Variants in MCF2L observed in about 807,000 individuals in gnomAD.
MCF2L encodes guanine nucleotide exchange factor DBS.
Under a neutral mutation model 153.4 loss-of-function variants are expected in MCF2L, and 97 were observed. The observed-to-expected ratio is 0.63, with a 90% CI of 0.54 to 0.75. MCF2L has a LOEUF of 0.75. Among genes scored for constraint, MCF2L ranks in the 30% least tolerant of loss-of-function variants. MCF2L has a pLI of 0.00. For synonymous variants in MCF2L, 659 were observed against 632.2 expected (o/e 1.04, Z -0.64); for missense variants, 1,347 against 1,495.2 (o/e 0.90, Z 1.64).
intron 3 of MCF2L, among the ~76,000 whole-genome samples, chr13:113,025,202 T>G (rs1170330082): frequency 8.2e-3 from 472 of 57,704 alleles, no homozygotes; most frequent in African/African-American, 0.022. Context: ...GTTTCCCCAT[T>G]GTGGGGTCCC....
chr13:113,071,811 CTTTGT>C lies in MCF2L; in HGVS notation c.996+1642_996+1646del, dbSNP rs553448478. On this transcript the variant is annotated intron_variant, in intron 9 of 29. Transcript: ENST00000535094. ...AAATCAAGTACACTCATTCTTCCCT[CTTTGT>C]TTTCTTTTTCAAAATTGTGTTAGCT... Among the ~76,000 whole-genome samples the C allele has an allele frequency of 3.5e-3, 535 of 152,344 alleles. 2 individuals are homozygous for C. The highest frequency in any genetic ancestry group is 8.1e-3 in the South Asian group (39 of 4,826).
At chr13:113,025,955 C>A (rs370992441) in intron 3 of MCF2L, among the ~76,000 whole-genome samples, 1 of 73,746 alleles carries the variant, frequency 1.4e-5, no homozygotes, top group African/African-American at 4.7e-5. Context: ...GAGATTTCCC[C>A]GTCATGGGGT....
chr13:113,085,036 C>T (rs879248319), intron 19 of MCF2L, 50 bp from the exon 20 acceptor site: 2 of 1,612,164 alleles, frequency 1.2e-6, no homozygotes, highest in Admixed American at 1.7e-5. Flanking sequence ...TAGCCGACTC[C>T]TGAGGAATAA....
intron 2 of MCF2L, among the ~76,000 whole-genome samples, chr13:112,939,834 T>C (rs1012361739): frequency 6.6e-6 from 1 of 151,962 alleles, no homozygotes; most frequent in African/African-American, 2.4e-5. Context: ...TAGCTGGGCA[T>C]GTTGGCATGC....
chr13:113,081,386 T>C (rs918031806), intron 16 of MCF2L, 107 bp downstream of exon 16: 11 of 1,134,016 alleles, frequency 9.7e-6, no homozygotes, highest in Non-Finnish European at 1.2e-5. Flanking sequence ...GTCCACCAAA[T>C]GCATGTGAGA....
chr13:112,917,630 G>C (rs569604183), intron 2 of MCF2L: 1 of 184,332 alleles, frequency 5.4e-6, no homozygotes, highest in East Asian at 1.5e-4. Flanking sequence ...CCCTCTGGGT[G>C]GGACCCTCTC....
At chr13:112,985,356 C>T (rs772393580) in intron 1 of MCF2L, 11 of 468,938 alleles carry the variant, frequency 2.3e-5, no homozygotes, top group Middle Eastern at 6.5e-4. Flanking sequence ...GGGCAGCGCG[C>T]GTCCTCCCCG....
intron 2 of MCF2L, among the ~76,000 whole-genome samples, chr13:112,925,830 C>T (rs578133939): frequency 6.6e-6 from 1 of 152,076 alleles, no homozygotes; most frequent in South Asian, 2.1e-4. Flanking sequence ...GAAAGCATTG[C>T]GTTGATTACA....
rs2081540453 is a variant in MCF2L at position 112,938,181 on chromosome 13, AGC to A, written c.169+35813_169+35814del. ...GAGCGCTGAGGGGTTGGTTCAGGTG[AGC>A]GCTGAGGGGTTGGTTCAGGTGAGCG... On this transcript the variant is annotated intron_variant, in intron 2 of 29. Transcript: ENST00000375608. 3.6e-4 allele frequency among the ~76,000 whole-genome samples: 47 copies of A among 129,358 alleles called. No individual in the cohort carries two copies. The Admixed American group carries it at 3.6e-3, about 10-fold the overall frequency. The allele number at this position is 129,358 out of a possible 152,430, so 84.9% of individuals were successfully genotyped here. A position where few individuals can be genotyped will look rare whatever the true frequency, so the allele number is the denominator to read the frequency against.
At position 112,904,747 on chromosome 13, in the gene MCF2L, G is replaced by A. The variant is rs1159214177; in HGVS notation, c.169+2376G>A. Reference sequence around the variant, plus strand: ...AAGAGAAGCGCACGGCGTGGACTGCGGCCTGCGGGAGAACCGCACTCGGCT... The same window carrying A: ...AAGAGAAGCGCACGGCGTGGACTGCAGCCTGCGGGAGAACCGCACTCGGCT... On this transcript the variant is annotated intron_variant, in intron 2 of 29. Transcript: ENST00000375608. This position sits in a 1 kb window ranked among gnomAD's most constrained non-coding sequence, Gnocchi z 4.2. 2.0e-5 allele frequency among the ~76,000 whole-genome samples: 3 copies of A among 152,332 alleles called. No individual in the cohort carries two copies. The highest frequency in any genetic ancestry group is 4.8e-5 in the African/African-American group (2 of 41,590).
intron 3 of MCF2L, among the ~76,000 whole-genome samples, chr13:113,038,911 G>A (rs754163566): frequency 6.6e-6 from 1 of 152,188 alleles, no homozygotes; most frequent in African/African-American, 2.4e-5. Flanking sequence ...AGGCTGGAGT[G>A]CAATGGTGCT....
intron 2 of MCF2L, chr13:112,910,063 ATCTG>A (rs2081215256): frequency 6.6e-6 from 1 of 152,314 alleles, no homozygotes; most frequent in African/African-American, 2.4e-5. Context: ...TTATCTATGC[ATCTG>A]TCTTACATAG....
intron 1 of MCF2L, among the ~76,000 whole-genome samples, chr13:112,999,009 C>A (rs953768797): frequency 6.6e-6 from 1 of 152,134 alleles, no homozygotes; most frequent in Non-Finnish European, 1.5e-5. Context: ...AGCGATGAGC[C>A]CGGGATGGTT....
At chr13:112,912,031 C>G (rs984974919) in intron 2 of MCF2L, among the ~76,000 whole-genome samples, 30 of 152,188 alleles carry the variant, frequency 2.0e-4, no homozygotes, top group Admixed American at 2.0e-3. Context: ...CCACCCTCAC[C>G]AAGAGTCACG....
chr13:113,038,479 A>G (rs2086284039), intron 3 of MCF2L, among the ~76,000 whole-genome samples: 1 of 152,046 alleles, frequency 6.6e-6, no homozygotes, highest in South Asian at 2.1e-4. Flanking sequence ...AAAAAAAAAA[A>G]AAGAAAGAAA....
At chr13:113,005,786 T>G (rs1478252662) in intron 1 of MCF2L, among the ~76,000 whole-genome samples, 1 of 152,026 alleles carries the variant, frequency 6.6e-6, no homozygotes, top group Admixed American at 6.6e-5. Flanking sequence ...CACCAGTGAG[T>G]TTGGTGGTGG....
At chr13:113,047,648 G>C (rs975432969) in intron 4 of MCF2L, among the ~76,000 whole-genome samples, 1 of 152,134 alleles carries the variant, frequency 6.6e-6, no homozygotes, top group African/African-American at 2.4e-5. Flanking sequence ...TCCCTGCCAG[G>C]GCACTTGCGG....
chr13:112,976,164 TTGTGTGTGTGTA>T (rs2082205957), intron 1 of MCF2L, among the ~76,000 whole-genome samples: 1 of 148,874 alleles, frequency 6.7e-6, no homozygotes, highest in African/African-American at 2.5e-5. Context: ...GTTTGCTTGT[TTGTGTGTGTGTA>T]TGTGTGTGTG....
At chr13:112,979,718 G>A (rs775002892) in intron 1 of MCF2L, 1 of 1,612,514 alleles carries the variant, frequency 6.2e-7, no homozygotes. Flanking sequence ...TGTGGTCACT[G>A]CCCAGGAGGC....
Sources: gnomAD v4.1 joint callset for allele counts (sites outside exome capture counted in the v4.1 genomes callset) on GRCh38, gnomAD v4.1.1 for gene constraint, Gnocchi (gnomAD v3.1) non-coding constraint, MANE v1.5 for transcripts, NCBI Gene and HGNC (gene_info 2026-07-23, HGNC 2026-07-21) for gene names.